Variants in ZCCHC7 observed in about 807,000 individuals in gnomAD.
ZCCHC7 encodes the protein zinc finger CCHC-type containing 7.
ZCCHC7 carries 35 observed loss-of-function variants against 52.0 expected under a neutral mutation model. The ratio of observed to expected loss-of-function variants is 0.67; its 90% CI spans 0.51 to 0.89. ZCCHC7 has a LOEUF of 0.89. Ranked by LOEUF, ZCCHC7 falls within the 40% of genes least tolerant of loss-of-function variation. ZCCHC7 has a pLI of 0.00. For synonymous variants in ZCCHC7, 217 were observed against 221.5 expected (o/e 0.98, Z 0.18); for missense variants, 574 against 649.1 (o/e 0.88, Z 1.26).
intron 2 of ZCCHC7, among the ~76,000 whole-genome samples, chr9:37,177,511 G>A (rs1408366153): frequency 1.3e-5 from 2 of 152,054 alleles, no homozygotes; most frequent in Non-Finnish European, 2.9e-5. Flanking sequence ...CATACCTACA[G>A]AGAGCAGCTG....
chr9:37,120,526 G>A (rs1021252528), upstream of ZCCHC7: 2 of 399,010 alleles, frequency 5.0e-6, no homozygotes, highest in African/African-American at 4.1e-5. Flanking sequence ...TCCCGGGTCT[G>A]CGCGGACGCG....
At chr9:37,212,520 T>A (rs942603134) in intron 2 of ZCCHC7, among the ~76,000 whole-genome samples, 10 of 152,198 alleles carry the variant, frequency 6.6e-5, no homozygotes, top group Non-Finnish European at 1.0e-4. Flanking sequence ...CTCTTTCTCT[T>A]TCTTTTCTTT....
chr9:37,199,641 T>C (rs376820922), intron 2 of ZCCHC7, among the ~76,000 whole-genome samples: 1 of 147,394 alleles, frequency 6.8e-6, no homozygotes, highest in East Asian at 2.0e-4. Context: ...CCCTACTGTT[T>C]CTTTTTCTGT....
chr9:37,153,100 T>C (rs1324684595), intron 2 of ZCCHC7, among the ~76,000 whole-genome samples: 2 of 152,142 alleles, frequency 1.3e-5, no homozygotes, highest in Non-Finnish European at 2.9e-5. Context: ...TTCTTTAATA[T>C]ACTCCTATCT....
chr9:37,246,368 G>T (rs1826080605), intron 2 of ZCCHC7, among the ~76,000 whole-genome samples: 1 of 152,104 alleles, frequency 6.6e-6, no homozygotes, highest in South Asian at 2.1e-4. Context: ...AATGTTAACT[G>T]AACCCACAGG....
intron 2 of ZCCHC7, chr9:37,205,287 A>G: frequency 4.5e-6 from 1 of 221,658 alleles, no homozygotes; most frequent in South Asian, 7.9e-5. Context: ...TATTCCCTTG[A>G]TGTCTGCAGT....
At chr9:37,174,604 TTATAA>T (rs929479300) in intron 2 of ZCCHC7, among the ~76,000 whole-genome samples, 2 of 152,148 alleles carry the variant, frequency 1.3e-5, no homozygotes, top group Non-Finnish European at 2.9e-5. Flanking sequence ...AATAAGAATG[TTATAA>T]TATAACAAGT....
intron 2 of ZCCHC7, among the ~76,000 whole-genome samples, chr9:37,161,929 G>C (rs966570186): frequency 3.9e-5 from 6 of 152,124 alleles, no homozygotes; most frequent in African/African-American, 1.4e-4. Context: ...TTGAGCCCAA[G>C]AGTTTGAGAC....
intron 2 of ZCCHC7, among the ~76,000 whole-genome samples, chr9:37,127,892 C>T (rs973947791): frequency 6.6e-6 from 1 of 152,158 alleles, no homozygotes. Flanking sequence ...CTTAACTACT[C>T]AACTTGGCCC....
intron 6 of ZCCHC7, among the ~76,000 whole-genome samples, chr9:37,338,554 G>A (rs1056436258): frequency 6.6e-6 from 1 of 152,128 alleles, no homozygotes; most frequent in Non-Finnish European, 1.5e-5. Flanking sequence ...AAGTAGGGAG[G>A]AAGTTACAGA....
intron 2 of ZCCHC7, chr9:37,160,169 T>C (rs1465599741): frequency 1.3e-5 from 2 of 152,170 alleles, no homozygotes; most frequent in Non-Finnish European, 2.9e-5. Context: ...TTACAACTAA[T>C]GGATCACAAC....
intron 1 of ZCCHC7, among the ~76,000 whole-genome samples, chr9:37,124,335 C>G (rs536484554): frequency 2.0e-5 from 3 of 151,608 alleles, no homozygotes; most frequent in South Asian, 4.2e-4. Flanking sequence ...TTGGAGTAGT[C>G]GAAAGACAAC....
intron 6 of ZCCHC7, among the ~76,000 whole-genome samples, chr9:37,338,227 T>C (rs1452529308): frequency 6.6e-6 from 1 of 152,166 alleles, no homozygotes; most frequent in Non-Finnish European, 1.5e-5. Flanking sequence ...ATTAATAAGC[T>C]TAATAGCTCA....
chr9:37,307,755 G>GGT (rs1829396973), intron 5 of ZCCHC7, among the ~76,000 whole-genome samples: 3 of 151,842 alleles, frequency 2.0e-5, no homozygotes, highest in Admixed American at 2.0e-4. Flanking sequence ...ATGAGTGTTT[G>GGT]GTATATATAT....
intron 2 of ZCCHC7, among the ~76,000 whole-genome samples, chr9:37,187,482 C>CTG (rs1272154133): frequency 6.6e-6 from 1 of 152,246 alleles, no homozygotes; most frequent in African/African-American, 2.4e-5. Flanking sequence ...TCACCTCCTG[C>CTG]TGTGTGGCCC....
rs555654415 is a variant in ZCCHC7 at position 37,274,391 on chromosome 9, G to A, written c.611-27797G>A. The stretch of plus-strand genomic sequence containing the variant: ...GTCTTGCTCTGTTGCTCAGGCAGGA[G>A]CACAGTGGTGTGATCTTGGCCCACT... On this transcript the variant is annotated intron_variant, in intron 2 of 8. Coordinates refer to ENST00000336755, the MANE Select transcript of ZCCHC7 (RefSeq NM_032226.3). 9.0e-5 allele frequency among the ~76,000 whole-genome samples: 12 copies of A among 133,500 alleles called. No homozygotes were observed. In the South Asian group the frequency reaches 2.7e-3, roughly 30 times the overall value. 87.6% of individuals were successfully genotyped at this position (133,500 alleles called of 152,430 possible). A position where few individuals can be genotyped will look rare whatever the true frequency, so the allele number is the denominator to read the frequency against.
chr9:37,267,526 C>T (rs1454752580), intron 2 of ZCCHC7, among the ~76,000 whole-genome samples: 2 of 151,618 alleles, frequency 1.3e-5, no homozygotes, highest in Admixed American at 1.3e-4. Context: ...CCACCTCAGC[C>T]TCCTGGGTAG....
chr9:37,172,127 G>A (rs1395555036), intron 2 of ZCCHC7, among the ~76,000 whole-genome samples: 1 of 152,156 alleles, frequency 6.6e-6, no homozygotes, highest in Admixed American at 6.5e-5. Context: ...ACAAAGTGAA[G>A]ATCAGAGGCA....
In ZCCHC7 at chr9:37,327,843, A is replaced by T. The variant is rs1205180834; in HGVS notation, c.987+9A>T. The T allele has an allele frequency of 6.2e-7, 1 of 1,612,756 alleles. No homozygotes were observed. Among genetic ancestry groups the T allele is most frequent in the African/African-American group, 1.3e-5 (1 of 74,852 alleles). On this transcript the variant is annotated intron_variant, in intron 6 of 8. Coordinates refer to ENST00000336755, the MANE Select transcript of ZCCHC7 (RefSeq NM_032226.3). ...GGCAGTATCACCTAACGGTGAGTAGAAACACCTTTTTTATTTTCCCCAAGA... is the reference window on the plus strand; with the variant it reads ...GGCAGTATCACCTAACGGTGAGTAGTAACACCTTTTTTATTTTCCCCAAGA...
Sources: gnomAD v4.1 joint callset for allele counts (sites outside exome capture counted in the v4.1 genomes callset) on GRCh38, gnomAD v4.1.1 for gene constraint, MANE v1.5 for transcripts, NCBI Gene and HGNC (gene_info 2026-07-23, HGNC 2026-07-21) for gene names.